Variants in CACNA1A observed in about 807,000 individuals in gnomAD.
CACNA1A encodes calcium voltage-gated channel subunit alpha1 A, also known as voltage-dependent P/Q-type calcium channel subunit alpha-1A.
CACNA1A carries 57 observed loss-of-function variants against 262.4 expected under a neutral mutation model. The ratio of observed to expected loss-of-function variants is 0.22; its 90% confidence interval spans 0.18 to 0.27. The LOEUF (loss-of-function observed/expected upper bound fraction) is 0.27, where lower values mean the gene tolerates loss of function less well. Ranked by LOEUF, CACNA1A falls within the 10% of genes least tolerant of loss-of-function variation. The pLI, the probability that CACNA1A is intolerant of heterozygous loss-of-function variation, is 1.00. For missense variants in CACNA1A, 2,526 were observed against 3,562.8 expected, an observed-to-expected ratio of 0.71 and a Z score of 7.41; for synonymous variants, 1,431 against 1,419.3, an observed-to-expected ratio of 1.01 and a Z score of -0.18.
chr19:13,493,462 G>A (rs770901169), intron 1 of CACNA1A, among the ~76,000 whole-genome samples: 1 of 152,186 alleles, frequency 6.6e-6, no homozygotes, highest in African/African-American at 2.4e-5. Context: ...AACCAAAAAC[G>A]TCTCCAGACA....
At chr19:13,215,008 GTGTGTTTT>G in intron 38 of CACNA1A, 1 of 167,356 alleles carries the variant, frequency 6.0e-6, no homozygotes, top group Admixed American at 5.9e-5. Flanking sequence ...GTGTGTGTGT[GTGTGTTTT>G]TTTTTTTTTT....
intron 24 of CACNA1A, chr19:13,272,499 C>T (rs4926248): frequency 0.47 from 70,919 of 152,170 alleles, 17,187 homozygotes; most frequent in East Asian, 0.63. Flanking sequence ...GTTGCCAGAC[C>T]GATGACAGAG....
chr19:13,447,238 T>C (rs1279543954), intron 3 of CACNA1A, among the ~76,000 whole-genome samples: 1 of 152,204 alleles, frequency 6.6e-6, no homozygotes, highest in Non-Finnish European at 1.5e-5. Flanking sequence ...GCATAAAATT[T>C]CAGTGGGTTC....
intron 3 of CACNA1A, among the ~76,000 whole-genome samples, chr19:13,449,296 C>G (rs1194462045): frequency 6.6e-6 from 1 of 151,734 alleles, no homozygotes; most frequent in African/African-American, 2.4e-5. Flanking sequence ...AAACAAAAAA[C>G]AACAACAACA....
At chr19:13,423,492 A>C (rs2060350248) in intron 3 of CACNA1A, among the ~76,000 whole-genome samples, 1 of 151,948 alleles carries the variant, frequency 6.6e-6, no homozygotes, top group East Asian at 1.9e-4. Context: ...AATCCCAGAG[A>C]GAATTTTCTT....
chr19:13,454,552 A>G (rs1022980276), intron 2 of CACNA1A, among the ~76,000 whole-genome samples: 5 of 151,964 alleles, frequency 3.3e-5, no homozygotes, highest in African/African-American at 1.2e-4. Flanking sequence ...GTATTTTTTT[A>G]GTAGAGACGG....
At chr19:13,409,459 T>C (rs918018701) in intron 3 of CACNA1A, among the ~76,000 whole-genome samples, 2 of 152,126 alleles carry the variant, frequency 1.3e-5, no homozygotes, top group Non-Finnish European at 2.9e-5. Flanking sequence ...CACTTAGCCT[T>C]GTCATTGTTG....
chr19:13,444,927 C>A (rs999851819), intron 3 of CACNA1A, among the ~76,000 whole-genome samples: 1 of 151,956 alleles, frequency 6.6e-6, no homozygotes, highest in East Asian at 1.9e-4. Flanking sequence ...CACCTGAGGG[C>A]AGGACTTGGA....
chr19:13,267,347 T>C (rs900930036), intron 24 of CACNA1A, among the ~76,000 whole-genome samples: 10 of 152,108 alleles, frequency 6.6e-5, no homozygotes, highest in African/African-American at 2.2e-4. Flanking sequence ...CGCTGGCCGA[T>C]GTCCATCCTT....
At chr19:13,278,768 G>C (rs1432559926) in intron 22 of CACNA1A, among the ~76,000 whole-genome samples, 1 of 152,204 alleles carries the variant, frequency 6.6e-6, no homozygotes, top group Non-Finnish European at 1.5e-5. Context: ...GCTGTACTGG[G>C]TCCTGGAGGA....
chr19:13,412,962 G>A (rs2060137603), intron 3 of CACNA1A, among the ~76,000 whole-genome samples: 1 of 152,160 alleles, frequency 6.6e-6, no homozygotes, highest in Non-Finnish European at 1.5e-5. Flanking sequence ...TTCAGAAAGT[G>A]GGTTAGGACC....
chr19:13,344,012 C>G (rs1045780714), intron 6 of CACNA1A, among the ~76,000 whole-genome samples: 3 of 151,992 alleles, frequency 2.0e-5, no homozygotes, highest in Admixed American at 2.0e-4. Flanking sequence ...GGGTTTGAGA[C>G]CAGCCTGGGC....
intron 3 of CACNA1A, among the ~76,000 whole-genome samples, chr19:13,426,191 T>C (rs1208492552): frequency 6.6e-6 from 1 of 152,206 alleles, no homozygotes; most frequent in Non-Finnish European, 1.5e-5. Context: ...AAAAAAGCCA[T>C]AACAATTTTA....
chr19:13,427,453 AAAATAAATAAAT>A (rs58681300), intron 3 of CACNA1A, among the ~76,000 whole-genome samples: 139 of 136,250 alleles, frequency 1.0e-3, no homozygotes, highest in African/African-American at 3.1e-3. Context: ...ACTCCATCTC[AAAATAAATAAAT>A]AAATAAATAA....
intron 3 of CACNA1A, among the ~76,000 whole-genome samples, chr19:13,442,590 C>T (rs2060743842): frequency 6.6e-6 from 1 of 152,222 alleles, no homozygotes; most frequent in Non-Finnish European, 1.5e-5. Flanking sequence ...AGTTCACCAA[C>T]TTTCGTGTGT....
intron 17 of CACNA1A, among the ~76,000 whole-genome samples, chr19:13,301,479 TG>T (rs2057788893): frequency 6.6e-6 from 1 of 151,916 alleles, no homozygotes. Flanking sequence ...AGGAAGGCGG[TG>T]GGGAGAGGAG....
intron 38 of CACNA1A, among the ~76,000 whole-genome samples, chr19:13,222,113 A>G (rs1385803175): frequency 6.6e-6 from 1 of 150,946 alleles, no homozygotes; most frequent in Non-Finnish European, 1.5e-5. Flanking sequence ...TGCCATGTTG[A>G]CCAGGCTGGT....
chr19:13,221,021 G>A (rs1489521882), intron 38 of CACNA1A, among the ~76,000 whole-genome samples: 2 of 150,500 alleles, frequency 1.3e-5, no homozygotes, highest in Non-Finnish European at 3.0e-5. Context: ...CTTCCTCCTT[G>A]AGTCTTGCCA....
Position 13,286,985 on chromosome 19 carries a change from T to C in CACNA1A, c.3090-19A>G, listed in dbSNP as rs777571235. 5 of 1,543,320 alleles carry C rather than the reference T, an allele frequency of 3.2e-6. No individual in the cohort carries two copies. The highest frequency in any genetic ancestry group is 2.0e-5 in the Admixed American group (1 of 50,810). ...GTTCTCTCTGAGGAAGGCAAGTGAA[T>C]GAAAAAGAACCAACAACTGATTTAG... On this transcript the variant is annotated intron_variant, in intron 19 of 46. Transcript: ENST00000360228.
Sources: gnomAD v4.1 joint callset for allele counts (sites outside exome capture counted in the v4.1 genomes callset) on GRCh38, gnomAD v4.1.1 for gene constraint, MANE v1.5 for transcripts, NCBI Gene and HGNC (gene_info 2026-07-23, HGNC 2026-07-21) for gene names.